MTHFD1L: variants seen among roughly 807,000 people sequenced by gnomAD.
The protein encoded by MTHFD1L is methylenetetrahydrofolate dehydrogenase (NADP+ dependent) 1 like.
A neutral mutation model predicts 119.5 loss-of-function variants in MTHFD1L; 81 were observed. The ratio of observed to expected loss-of-function variants is 0.68; its 90% confidence interval spans 0.57 to 0.82. The LOEUF is 0.82. MTHFD1L is among the 40% of genes least tolerant of loss of function. The probability of loss-of-function intolerance (pLI) is 0.00; values close to 1 mark genes in which losing one functional copy is unlikely to be tolerated. For synonymous variants in MTHFD1L, 430 were observed against 475.2 expected (o/e 0.90, Z 1.24); for missense variants, 1,125 against 1,253.4 (o/e 0.90, Z 1.55).
intron 19 of MTHFD1L, among the ~76,000 whole-genome samples, chr6:150,965,799 T>C (rs1797128079): frequency 6.6e-6 from 1 of 152,238 alleles, no homozygotes; most frequent in Non-Finnish European, 1.5e-5. Context: ...TATTGTTGTT[T>C]GTTTGTTTCC....
At chr6:150,925,834 A>T (rs1207426827) in intron 10 of MTHFD1L, among the ~76,000 whole-genome samples, 7 of 152,140 alleles carry the variant, frequency 4.6e-5, no homozygotes, top group African/African-American at 1.7e-4. Flanking sequence ...AGGGTTTTGG[A>T]CACATTATAA....
At chr6:151,012,315 G>C (rs1782402323) in intron 21 of MTHFD1L, among the ~76,000 whole-genome samples, 1 of 152,002 alleles carries the variant, frequency 6.6e-6, no homozygotes. Context: ...TCATCTCGGT[G>C]TCCTTCCTTC....
At chr6:150,946,757 C>G (rs758579436) in intron 15 of MTHFD1L, among the ~76,000 whole-genome samples, 4 of 151,962 alleles carry the variant, frequency 2.6e-5, no homozygotes, top group Non-Finnish European at 5.9e-5. Flanking sequence ...TTTCTGTTTC[C>G]CAGATCTTTT....
intron 7 of MTHFD1L, among the ~76,000 whole-genome samples, chr6:150,900,632 C>A (rs1304442795): frequency 6.6e-6 from 1 of 152,228 alleles, no homozygotes; most frequent in Non-Finnish European, 1.5e-5. Context: ...AAGGCATTCT[C>A]AATCCAGCTT....
intron 7 of MTHFD1L, among the ~76,000 whole-genome samples, chr6:150,903,203 A>ATTCTTTTTTTTTTTTTT (rs1562348409): frequency 4.7e-5 from 4 of 85,476 alleles, no homozygotes; most frequent in African/African-American, 1.5e-4. Context: ...TGGCTGCAAA[A>ATTCTTTTTTTTTTTTTT]TTTTTTTTTT....
At chr6:150,928,985 T>C (rs1355611794) in intron 11 of MTHFD1L, among the ~76,000 whole-genome samples, 1 of 152,150 alleles carries the variant, frequency 6.6e-6, no homozygotes, top group East Asian at 1.9e-4. Context: ...CCAGGCTCAC[T>C]GCAGTTAGAT....
chr6:150,955,885 C>G (rs182293204), intron 16 of MTHFD1L, 110 bp from the exon 17 acceptor site: 196 of 874,514 alleles, frequency 2.2e-4, no homozygotes, highest in Admixed American at 3.6e-4. Flanking sequence ...GGGAGCCTGA[C>G]CTTTTCTCTT....
At chr6:150,965,124 T>C in intron 19 of MTHFD1L, 87 bp downstream of exon 19, 1 of 1,165,780 alleles carries the variant, frequency 8.6e-7, no homozygotes, top group Non-Finnish European at 1.3e-6. Context: ...GAGGCAGGCA[T>C]AGAGCATGCC....
Position 150,926,336 on chromosome 6 carries a change from T to C in MTHFD1L, c.1256+41T>C, listed in dbSNP as rs1478621070. On this transcript the variant is annotated intron_variant, in intron 11 of 27. Coordinates refer to ENST00000367321, the MANE Select transcript of MTHFD1L (RefSeq NM_015440.5). This position sits in a 1 kb window ranked among gnomAD's most constrained non-coding sequence, Gnocchi z 4.3. ...ACATCTACTTGATCAAGCAGACATATTTACAAAACTCTTCCCTATTTATCT... is the reference window on the plus strand; with the variant it reads ...ACATCTACTTGATCAAGCAGACATACTTACAAAACTCTTCCCTATTTATCT... The C allele has an allele frequency of 1.3e-6, 2 of 1,551,010 alleles. No individual in the cohort carries two copies. Among genetic ancestry groups the C allele is most frequent in the Admixed American group, 3.5e-5 (2 of 57,370 alleles).
intron 10 of MTHFD1L, among the ~76,000 whole-genome samples, chr6:150,925,759 C>T (rs181239592): frequency 5.9e-5 from 9 of 152,176 alleles, no homozygotes; most frequent in East Asian, 3.9e-4. Context: ...CTCTATTCAT[C>T]GCTAATGAAT....
At chr6:151,074,937 G>A (rs1792344734) in intron 26 of MTHFD1L, among the ~76,000 whole-genome samples, 1 of 152,174 alleles carries the variant, frequency 6.6e-6, no homozygotes. Context: ...GGACTGTGCT[G>A]TAAATGCAAG....
intron 10 of MTHFD1L, among the ~76,000 whole-genome samples, chr6:150,922,567 T>A (rs1197387544): frequency 6.6e-6 from 1 of 152,094 alleles, no homozygotes; most frequent in Non-Finnish European, 1.5e-5. Flanking sequence ...AGTTTTTTAA[T>A]GATGTTTTAA....
intron 26 of MTHFD1L, among the ~76,000 whole-genome samples, chr6:151,056,528 A>G (rs1789957486): frequency 6.6e-6 from 1 of 152,190 alleles, no homozygotes; most frequent in South Asian, 2.1e-4. Flanking sequence ...TCTAGTTTTT[A>G]TCCCCAGACC....
intron 7 of MTHFD1L, among the ~76,000 whole-genome samples, chr6:150,900,138 G>A (rs1031757638): frequency 7.2e-5 from 11 of 151,904 alleles, no homozygotes; most frequent in African/African-American, 2.7e-4. Context: ...GACTGTATTA[G>A]GCATGGTTCC....
chr6:150,995,976 A>G (rs1233498212), intron 20 of MTHFD1L, among the ~76,000 whole-genome samples: 1 of 152,170 alleles, frequency 6.6e-6, no homozygotes, highest in African/African-American at 2.4e-5. Flanking sequence ...ATTTCTAATA[A>G]TATATTAATT....
intron 19 of MTHFD1L, 21 bp downstream of exon 19, chr6:150,965,058 A>G: frequency 6.2e-7 from 1 of 1,609,460 alleles, no homozygotes; most frequent in Non-Finnish European, 8.5e-7. Flanking sequence ...TTCTTCTTAT[A>G]GTAATTGTTT....
At chr6:150,898,796 G>A (rs999190845) in intron 7 of MTHFD1L, 21 of 365,666 alleles carry the variant, frequency 5.7e-5, no homozygotes, top group African/African-American at 4.6e-4. Flanking sequence ...CCCCACGTTT[G>A]AATTTTATGT....
chr6:151,039,607 C>G lies in MTHFD1L; in HGVS notation c.2847+2490C>G, dbSNP rs1469607418. On this transcript the variant is annotated intron_variant, in intron 26 of 27. Transcript: ENST00000367321. This position sits in a 1 kb window ranked among gnomAD's most constrained non-coding sequence, Gnocchi z 4.4. ...ACAAAAATGGGTGCTGAAGAGCTTG[C>G]TTTATATTCGTTAGAATGGCCTCAG... is the stretch of plus-strand genomic sequence containing the variant. 1.3e-5 allele frequency among the ~76,000 whole-genome samples: 2 copies of G among 152,152 alleles called. No homozygotes were observed. The highest frequency in any genetic ancestry group is 2.4e-5 in the African/African-American group (1 of 41,454).
At position 150,877,827 on chromosome 6, in the gene MTHFD1L, G is replaced by A. The variant is rs148145283; in HGVS notation, c.417+1G>A. The stretch of plus-strand genomic sequence containing the variant: ...CCCTCCAGATAGCAGTGAAGCCGAG[G>A]TAATAATGGCAGAGCTCTAAACTCT... On this transcript the variant is annotated splice_donor_variant, in intron 4 of 27. Transcript: ENST00000367321. LOFTEE classifies it high-confidence loss of function. 6.2e-7 allele frequency: 1 copy of A among 1,614,238 alleles called. No individual in the cohort carries two copies. The highest frequency in any genetic ancestry group is 1.1e-5 in the South Asian group (1 of 91,088).
Sources: allele counts gnomAD v4.1 joint callset (sites outside exome capture counted in the v4.1 genomes callset), GRCh38; gene constraint gnomAD v4.1.1; non-coding constraint Gnocchi (gnomAD v3.1); transcripts MANE v1.5; gene names NCBI Gene and HGNC (gene_info 2026-07-23, HGNC 2026-07-21).